PLEKHG1: variants seen among roughly 807,000 people sequenced by gnomAD.
PLEKHG1 encodes the protein pleckstrin homology and RhoGEF domain containing G1, also known as pleckstrin homology domain-containing family G member 1.
A neutral mutation model predicts 100.8 loss-of-function variants in PLEKHG1; 44 were observed. The ratio of observed to expected loss-of-function variants is 0.44; its 90% confidence interval spans 0.34 to 0.56. The LOEUF is 0.56. Ranked by LOEUF, PLEKHG1 falls within the 20% of genes least tolerant of loss-of-function variation. The probability of loss-of-function intolerance (pLI) is 0.01; values close to 1 mark genes in which losing one functional copy is unlikely to be tolerated. For synonymous variants in PLEKHG1, 640 were observed against 662.5 expected (o/e 0.97, Z 0.52); for missense variants, 1,545 against 1,720.9 (o/e 0.90, Z 1.81).
intron 1 of PLEKHG1, among the ~76,000 whole-genome samples, chr6:150,635,233 T>C (rs1215745935): frequency 1.3e-5 from 2 of 152,240 alleles, no homozygotes; most frequent in Non-Finnish European, 2.9e-5. Flanking sequence ...CAGACTTTTT[T>C]TCTTTTTAAA....
chr6:150,692,081 T>G (rs1415435920), intron 3 of PLEKHG1, among the ~76,000 whole-genome samples: 1 of 152,234 alleles, frequency 6.6e-6, no homozygotes, highest in African/African-American at 2.4e-5. Flanking sequence ...AAGTCACTTT[T>G]TATATGGGGT....
intron 3 of PLEKHG1, among the ~76,000 whole-genome samples, chr6:150,707,858 T>G (rs754374027): frequency 6.6e-6 from 1 of 152,140 alleles, no homozygotes; most frequent in African/African-American, 2.4e-5. Flanking sequence ...CCAGCTCAGC[T>G]GTCACTTCAC....
At chr6:150,777,738 G>A (rs1785069730) in intron 3 of PLEKHG1, among the ~76,000 whole-genome samples, 1 of 125,508 alleles carries the variant, frequency 8.0e-6, no homozygotes, top group Non-Finnish European at 1.5e-5. Flanking sequence ...TGCAATCCTG[G>A]TGCACGTGTG....
intron 3 of PLEKHG1, 73 bp from the exon 5 acceptor site, chr6:150,786,317 T>G: frequency 1.0e-6 from 1 of 1,001,032 alleles, no homozygotes; most frequent in Non-Finnish European, 1.6e-6. Context: ...ATGTTTAAAC[T>G]TTTAAATTAT....
intron 4 of PLEKHG1, among the ~76,000 whole-genome samples, chr6:150,791,864 T>C (rs573918543): frequency 8.5e-5 from 13 of 152,206 alleles, no homozygotes; most frequent in Non-Finnish European, 1.8e-4. Context: ...TTTCAGTTGA[T>C]TTGAAAATAT....
At chr6:150,762,983 C>G (rs1330908946) in intron 2 of PLEKHG1, among the ~76,000 whole-genome samples, 1 of 151,002 alleles carries the variant, frequency 6.6e-6, no homozygotes, top group Non-Finnish European at 1.5e-5. Flanking sequence ...TACATGTTCT[C>G]CCTCATTCTC....
intron 6 of PLEKHG1, among the ~76,000 whole-genome samples, chr6:150,801,399 G>A (rs930523354): frequency 6.0e-5 from 9 of 150,938 alleles, no homozygotes; most frequent in Admixed American, 4.0e-4. Context: ...TAGAAACAAC[G>A]ATAATCATAG....
intron 3 of PLEKHG1, among the ~76,000 whole-genome samples, chr6:150,690,647 G>A (rs1780318298): frequency 6.6e-6 from 1 of 152,208 alleles, no homozygotes; most frequent in Non-Finnish European, 1.5e-5. Flanking sequence ...TGTGGAGGAT[G>A]TGAGAGGAAG....
intron 3 of PLEKHG1, among the ~76,000 whole-genome samples, chr6:150,783,829 A>T (rs1307418746): frequency 6.6e-6 from 1 of 152,234 alleles, no homozygotes; most frequent in Non-Finnish European, 1.5e-5. Context: ...ATTTAATACT[A>T]AAAAAGAACA....
intron 2 of PLEKHG1, among the ~76,000 whole-genome samples, chr6:150,644,088 A>G (rs987825893): frequency 4.6e-5 from 7 of 152,192 alleles, no homozygotes; most frequent in African/African-American, 1.7e-4. Context: ...AGGTATTTAA[A>G]TAAATTACCT....
chr6:150,626,334 C>T (rs1394115351), intron 1 of PLEKHG1, among the ~76,000 whole-genome samples: 2 of 152,176 alleles, frequency 1.3e-5, no homozygotes, highest in African/African-American at 4.8e-5. Flanking sequence ...GGCGAAGGCT[C>T]AGAGTTCCAT....
At chr6:150,631,855 A>AGGGAACTGGGCATG (rs1275637265) in intron 1 of PLEKHG1, among the ~76,000 whole-genome samples, 2 of 152,174 alleles carry the variant, frequency 1.3e-5, no homozygotes, top group South Asian at 2.1e-4. Flanking sequence ...GAGAAGCCCC[A>AGGGAACTGGGCATG]GGGAACTGGG....
intron 5 of PLEKHG1, among the ~76,000 whole-genome samples, chr6:150,797,975 T>G (rs1455970118): frequency 6.9e-6 from 1 of 145,206 alleles, no homozygotes; most frequent in Non-Finnish European, 1.5e-5. Context: ...CAAAACAAAA[T>G]AAATAAATAG....
intron 7 of PLEKHG1, among the ~76,000 whole-genome samples, chr6:150,805,093 G>A (rs896925074): frequency 2.0e-5 from 3 of 151,650 alleles, no homozygotes; most frequent in South Asian, 2.1e-4. Context: ...GTGCCACCAC[G>A]GCCTGCCAAT....
intron 1 of PLEKHG1, among the ~76,000 whole-genome samples, chr6:150,610,330 G>A (rs1004513957): frequency 6.6e-6 from 1 of 152,164 alleles, no homozygotes; most frequent in African/African-American, 2.4e-5. Context: ...CCGAACTCCC[G>A]ACCTTAAGTG....
At chr6:150,825,196 C>T (rs1239061650) in intron 14 of PLEKHG1, among the ~76,000 whole-genome samples, 1 of 152,110 alleles carries the variant, frequency 6.6e-6, no homozygotes, top group East Asian at 1.9e-4. Flanking sequence ...AACATCCATG[C>T]TTTTTTTGTG....
intron 3 of PLEKHG1, among the ~76,000 whole-genome samples, chr6:150,770,985 C>T (rs755254630): frequency 6.6e-6 from 1 of 152,202 alleles, no homozygotes; most frequent in Non-Finnish European, 1.5e-5. Flanking sequence ...TGACTCCAAA[C>T]CCCAGGCATT....
intron 2 of PLEKHG1, among the ~76,000 whole-genome samples, chr6:150,764,949 C>CT (rs1237387308): frequency 8.4e-6 from 1 of 118,496 alleles, no homozygotes; most frequent in African/African-American, 5.3e-5. Context: ...ATGTTTTATG[C>CT]ATTTTTTTTT....
chr6:150,697,099 G>GAAA lies in PLEKHG1; in HGVS notation c.-98-36476_-98-36474dup, dbSNP rs56882210. On this transcript the variant is annotated intron_variant, in intron 3 of 3. Coordinates refer to the PLEKHG1 transcript ENST00000367326. The stretch of plus-strand genomic sequence containing the variant: ...GCAACAGAGTGAGACTCTGTCTAAA[G>GAAA]AAAAAAAAAAAGAAGAAGAAGAAGA... Among the ~76,000 whole-genome samples the GAAA allele has an allele frequency of 1.1e-3, 166 of 144,504 alleles. 1 individual carries two copies. Among genetic ancestry groups the GAAA allele is most frequent in the African/African-American group, 2.9e-3 (112 of 38,820 alleles). The allele number at this position is 144,504 out of a possible 152,430, so 94.8% of individuals were successfully genotyped here. A position where few individuals can be genotyped will look rare whatever the true frequency, so the allele number is the denominator to read the frequency against.
Sources: allele counts gnomAD v4.1 joint callset (sites outside exome capture counted in the v4.1 genomes callset), GRCh38; gene constraint gnomAD v4.1.1; transcripts MANE v1.5; gene names NCBI Gene and HGNC (gene_info 2026-07-23, HGNC 2026-07-21).